Variants in CAMKMT observed in about 807,000 individuals in gnomAD.
The protein encoded by CAMKMT is CaM KMT.
A neutral mutation model predicts 48.0 loss-of-function variants in CAMKMT; 53 were observed. The ratio of observed to expected loss-of-function variants is 1.10; its 90% CI spans 0.89 to 1.39. The LOEUF (loss-of-function observed/expected upper bound fraction) is 1.39, where lower values mean the gene tolerates loss of function less well. Among genes scored for constraint, CAMKMT ranks in the 40% most tolerant of loss-of-function variants. CAMKMT has a pLI of 0.00. For synonymous variants in CAMKMT, 165 were observed against 152.3 expected, an observed-to-expected ratio of 1.08 and a Z score of -0.61; for missense variants, 428 against 402.7, an observed-to-expected ratio of 1.06 and a Z score of -0.54.
chr2:44,726,245 A>G (rs1372704490), intron 7 of CAMKMT, among the ~76,000 whole-genome samples: 1 of 152,198 alleles, frequency 6.6e-6, no homozygotes, highest in African/African-American at 2.4e-5. Flanking sequence ...CATTCCTATC[A>G]ACAGTGTGTA....
intron 3 of CAMKMT, among the ~76,000 whole-genome samples, chr2:44,642,839 G>A (rs982845144): frequency 2.0e-5 from 3 of 151,986 alleles, no homozygotes; most frequent in Non-Finnish European, 4.4e-5. Flanking sequence ...CTTCATCCAC[G>A]GTATGAAATG....
intron 3 of CAMKMT, among the ~76,000 whole-genome samples, chr2:44,487,435 C>A (rs1260621266): frequency 6.6e-6 from 1 of 152,060 alleles, no homozygotes; most frequent in East Asian, 1.9e-4. Context: ...TAATTATAAT[C>A]AAATAGAGAG....
chr2:44,422,428 G>T, intron 3 of CAMKMT, among the ~76,000 whole-genome samples: 1 of 152,050 alleles, frequency 6.6e-6, no homozygotes, highest in Non-Finnish European at 1.5e-5. Context: ...CTCAGAACCT[G>T]GGAAGGCTAG....
chr2:44,708,795 G>T (rs1007109733), intron 6 of CAMKMT, among the ~76,000 whole-genome samples: 4 of 152,106 alleles, frequency 2.6e-5, no homozygotes, highest in Admixed American at 6.6e-5. Context: ...AGGTATGCCA[G>T]CTCAGCCCCA....
intron 3 of CAMKMT, among the ~76,000 whole-genome samples, chr2:44,608,318 C>T (rs1160200426): frequency 6.6e-6 from 1 of 151,994 alleles, no homozygotes; most frequent in African/African-American, 2.4e-5. Context: ...GTGATCAGCC[C>T]ACCTCGGCCT....
intron 1 of CAMKMT, among the ~76,000 whole-genome samples, chr2:44,372,474 A>G (rs1193872344): frequency 6.6e-6 from 1 of 152,134 alleles, no homozygotes; most frequent in Non-Finnish European, 1.5e-5. Context: ...CTCAAAAAAA[A>G]AAAAAAAAGA....
intron 3 of CAMKMT, among the ~76,000 whole-genome samples, chr2:44,437,664 A>T (rs1368506625): frequency 6.6e-6 from 1 of 152,032 alleles, no homozygotes; most frequent in Non-Finnish European, 1.5e-5. Context: ...TCTGGGCAAC[A>T]TGGTGAAACC....
chr2:44,764,216 G>A (rs1298693729), intron 9 of CAMKMT, among the ~76,000 whole-genome samples: 2 of 152,210 alleles, frequency 1.3e-5, no homozygotes, highest in African/African-American at 4.8e-5. Flanking sequence ...ATGTGCCTGA[G>A]TGTGTACAGG....
At chr2:44,542,847 T>C (rs1464121610) in intron 3 of CAMKMT, among the ~76,000 whole-genome samples, 1 of 152,036 alleles carries the variant, frequency 6.6e-6, no homozygotes, top group African/African-American at 2.4e-5. Context: ...GTGAGCTGTG[T>C]GTGGGAGATA....
chr2:44,613,216 A>G (rs1303908462), intron 3 of CAMKMT, among the ~76,000 whole-genome samples: 2 of 152,230 alleles, frequency 1.3e-5, no homozygotes, highest in South Asian at 2.1e-4. Context: ...CCTGTCTACT[A>G]TATGCAGCAG....
chr2:44,451,806 C>T (rs1015322918), intron 3 of CAMKMT, among the ~76,000 whole-genome samples: 1 of 151,686 alleles, frequency 6.6e-6, no homozygotes, highest in African/African-American at 2.4e-5. Flanking sequence ...GTAAAATTTG[C>T]TTCTCTTTCA....
At chr2:44,518,578 A>G (rs1670947347) in intron 3 of CAMKMT, among the ~76,000 whole-genome samples, 1 of 152,180 alleles carries the variant, frequency 6.6e-6, no homozygotes, top group South Asian at 2.1e-4. Flanking sequence ...TTACCTCTAT[A>G]CAAACCCCTA....
intron 3 of CAMKMT, among the ~76,000 whole-genome samples, chr2:44,523,087 C>T (rs959711858): frequency 4.6e-5 from 7 of 152,034 alleles, no homozygotes; most frequent in African/African-American, 1.2e-4. Flanking sequence ...TTTGTTACAA[C>T]AGCACCAAAC....
chr2:44,415,418 G>A (rs1683487179), intron 3 of CAMKMT, among the ~76,000 whole-genome samples: 1 of 152,196 alleles, frequency 6.6e-6, no homozygotes, highest in African/African-American at 2.4e-5. Context: ...TTGACAGTAT[G>A]TGGTTACAAA....
At chr2:44,451,882 G>T (rs1022255516) in intron 3 of CAMKMT, among the ~76,000 whole-genome samples, 3 of 151,554 alleles carry the variant, frequency 2.0e-5, no homozygotes, top group African/African-American at 7.2e-5. Flanking sequence ...TATTTTGATT[G>T]TAATAGCCAA....
chr2:44,613,669 G>A (rs1397473021), intron 3 of CAMKMT, among the ~76,000 whole-genome samples: 1 of 152,106 alleles, frequency 6.6e-6, no homozygotes, highest in Non-Finnish European at 1.5e-5. Context: ...TAGCAGCATT[G>A]TTCTAAGTAC....
At position 44,670,499 on chromosome 2, in the gene CAMKMT, A is replaced by G. The variant is rs149128217; in HGVS notation, c.377-33784A>G. Among the ~76,000 whole-genome samples, 1,270 of 152,112 alleles carry G rather than the reference A, an allele frequency of 8.3e-3. 20 individuals carry two copies. The highest frequency in any genetic ancestry group is 0.029 in the African/African-American group (1,193 of 41,474). ...GATCTTCTCTCTAAAAATAACAATA[A>G]AAATTAGTTGGGCATGCTGGTGCAT... On this transcript the variant is annotated intron_variant, in intron 3 of 10. Transcript: ENST00000378494.
intron 3 of CAMKMT, among the ~76,000 whole-genome samples, chr2:44,485,203 A>G (rs985888986): frequency 2.6e-5 from 4 of 152,238 alleles, no homozygotes; most frequent in African/African-American, 4.8e-5. Flanking sequence ...GTTCTCTGGT[A>G]TAGTAGACCC....
At chr2:44,488,221 G>T (rs562631880) in intron 3 of CAMKMT, among the ~76,000 whole-genome samples, 1 of 152,070 alleles carries the variant, frequency 6.6e-6, no homozygotes, top group South Asian at 2.1e-4. Context: ...TGTGTTGGCC[G>T]GGCGCGGTGG....
Sources: allele counts gnomAD v4.1 joint callset (sites outside exome capture counted in the v4.1 genomes callset), GRCh38; gene constraint gnomAD v4.1.1; transcripts MANE v1.5; gene names NCBI Gene and HGNC (gene_info 2026-07-23, HGNC 2026-07-21).